The following PKD1L1 variants were observed in gnomAD, a reference collection of about 807,000 sequenced individuals.
PKD1L1 encodes polycystin-1-like protein 1.
A neutral mutation model predicts 323.4 loss-of-function variants in PKD1L1; 236 were observed. That is an observed-to-expected ratio of 0.73 (90% confidence interval 0.66 to 0.81). PKD1L1 has a LOEUF of 0.81. Ranked by LOEUF, PKD1L1 falls within the 40% of genes least tolerant of loss-of-function variation. The probability of loss-of-function intolerance (pLI) is 0.00; values close to 1 mark genes in which losing one functional copy is unlikely to be tolerated. For missense variants in PKD1L1, 3,320 were observed against 3,508.0 expected, an observed-to-expected ratio of 0.95 and a Z score of 1.35; for synonymous variants, 1,344 against 1,335.0, an observed-to-expected ratio of 1.01 and a Z score of -0.15.
At chr7:47,873,107 A>T (rs1786317974) in intron 24 of PKD1L1, among the ~76,000 whole-genome samples, 1 of 152,204 alleles carries the variant, frequency 6.6e-6, no homozygotes, top group Non-Finnish European at 1.5e-5. Flanking sequence ...AAATTTTCAG[A>T]ATCAGCAAAC....
At chr7:47,879,004 C>T (rs1786469997) in intron 21 of PKD1L1, among the ~76,000 whole-genome samples, 1 of 152,200 alleles carries the variant, frequency 6.6e-6, no homozygotes, top group Non-Finnish European at 1.5e-5. Context: ...GGGCAAATTT[C>T]AGAGGCAAAA....
chr7:47,947,616 G>T (rs1363999455), intron 1 of PKD1L1, among the ~76,000 whole-genome samples: 1 of 152,236 alleles, frequency 6.6e-6, no homozygotes, highest in Non-Finnish European at 1.5e-5. Flanking sequence ...AGGCTGCCCA[G>T]CCTCAACAAC....
intron 9 of PKD1L1, among the ~76,000 whole-genome samples, 187 bp from the exon 10 acceptor site, chr7:47,906,149 T>C (rs1787202641): frequency 6.6e-6 from 1 of 152,252 alleles, no homozygotes; most frequent in Non-Finnish European, 1.5e-5. Context: ...ACAGAATTTC[T>C]GTCATTAAAT....
intron 56 of PKD1L1, among the ~76,000 whole-genome samples, chr7:47,777,626 T>C (rs1170613013): frequency 1.3e-5 from 2 of 152,222 alleles, no homozygotes; most frequent in African/African-American, 4.8e-5. Flanking sequence ...AGTGTAAGTA[T>C]AGTTTCTAAG....
At position 47,922,840 on chromosome 7, in the gene PKD1L1, G is replaced by A. The variant is rs6963179; in HGVS notation, c.1060+6364C>T. Among the ~76,000 whole-genome samples, 6 of 152,270 alleles carry A rather than the reference G, an allele frequency of 3.9e-5. No homozygotes were observed. The South Asian group carries it at 6.2e-4, about 16-fold the overall frequency. ...CCGCCACCCTGTCTGGGAGGTGTAC[G>A]CAACAGCTCATTGAGAACGGGCCAT... On this transcript the variant is annotated intron_variant, in intron 7 of 56. Transcript: ENST00000289672.
intron 24 of PKD1L1, 59 bp from the exon 25 acceptor site, chr7:47,866,673 T>G (rs1786177180): frequency 1.4e-6 from 2 of 1,430,326 alleles, no homozygotes; most frequent in Admixed American, 2.1e-5. Flanking sequence ...CTTTTCACCC[T>G]GACTACCAAG....
intron 54 of PKD1L1, among the ~76,000 whole-genome samples, chr7:47,797,012 A>AAC (rs1554393579): frequency 1.2e-3 from 177 of 151,600 alleles, no homozygotes; most frequent in East Asian, 8.4e-3. Flanking sequence ...AAAAAAAAAA[A>AAC]AAAACACCCA....
intron 20 of PKD1L1, 63 bp downstream of exon 20, chr7:47,881,846 G>T: frequency 6.9e-7 from 1 of 1,458,266 alleles, no homozygotes; most frequent in South Asian, 1.5e-5. Context: ...AAGAAATTGA[G>T]GGCTGATATC....
At chr7:47,801,695 C>T (rs1406885042) in intron 53 of PKD1L1, among the ~76,000 whole-genome samples, 1 of 152,198 alleles carries the variant, frequency 6.6e-6, no homozygotes, top group African/African-American at 2.4e-5. Flanking sequence ...TTTAGTATTA[C>T]TTACTCCATA....
intron 31 of PKD1L1, among the ~76,000 whole-genome samples, chr7:47,850,632 C>CAAAAAAAAAAAAAAAAAAAA (rs58437908): frequency 1.3e-5 from 1 of 75,814 alleles, no homozygotes; most frequent in Non-Finnish European, 2.4e-5. Context: ...GACTCTGTCT[C>CAAAAAAAAAAAAAAAAAAAA]AAAAAAAAAA....
At chr7:47,852,941 C>A (rs140096280) in intron 31 of PKD1L1, among the ~76,000 whole-genome samples, 186 bp downstream of exon 31, 1 of 152,044 alleles carries the variant, frequency 6.6e-6, no homozygotes, top group South Asian at 2.1e-4. Flanking sequence ...ACAAGGATGG[C>A]GCTCATCATG....
intron 9 of PKD1L1, 52 bp downstream of exon 9, chr7:47,908,025 G>A: frequency 6.4e-7 from 1 of 1,560,766 alleles, no homozygotes; most frequent in Non-Finnish European, 8.7e-7. Context: ...GAGATACCCT[G>A]CTTCATTTAT....
intron 3 of PKD1L1, among the ~76,000 whole-genome samples, chr7:47,937,291 C>T: frequency 6.8e-6 from 1 of 147,120 alleles, no homozygotes; most frequent in East Asian, 2.0e-4. Flanking sequence ...TTTTTATACA[C>T]AGGGTCAGAG....
At chr7:47,801,439 C>T (rs1282060605) in intron 53 of PKD1L1, among the ~76,000 whole-genome samples, 1 of 152,234 alleles carries the variant, frequency 6.6e-6, no homozygotes, top group Non-Finnish European at 1.5e-5. Flanking sequence ...TCATGCTTCT[C>T]ACTCCATCTG....
rs768164147 is a variant in PKD1L1, at chr7:47,866,450, G to A, written c.4061C>T (p.Ser1354Phe). The A allele has an allele frequency of 6.2e-7, 1 of 1,611,154 alleles. No individual in the cohort carries two copies. The highest frequency in any genetic ancestry group is 8.5e-7 in the Non-Finnish European group (1 of 1,178,336). The change falls in exon 25 of 57, where the codon TCT (serine) becomes TTT (phenylalanine). Residue 1354 changes from serine (S) to phenylalanine (F), a missense_variant. By Grantham distance (155) the Ser-to-Phe change is radical. Transcript: ENST00000289672. ...QWSRIQDALI[S>F]SVCRLAFVDQ... ...TACAAAAGCCAATCTGCATACTGAA[G>A]AAATTAATGCATCCTGTATTCGTGA...
At chr7:47,906,826 A>G (rs1215963156) in intron 9 of PKD1L1, among the ~76,000 whole-genome samples, 1 of 152,212 alleles carries the variant, frequency 6.6e-6, no homozygotes, top group African/African-American at 2.4e-5. Flanking sequence ...TATATGATAA[A>G]TAAATATCAC....
the PKD1L1 span, among the ~76,000 whole-genome samples, chr7:47,960,178 C>G: frequency 7.2e-6 from 1 of 138,586 alleles, no homozygotes; most frequent in Non-Finnish European, 1.6e-5. Flanking sequence ...GCAGCATGCT[C>G]GTTAAGAGTC....
chr7:47,947,436 A>T (rs1788119170), intron 1 of PKD1L1, among the ~76,000 whole-genome samples: 1 of 152,212 alleles, frequency 6.6e-6, no homozygotes, highest in Non-Finnish European at 1.5e-5. Context: ...ACTGGGCAAG[A>T]TCTGCAGGCA....
the PKD1L1 span, among the ~76,000 whole-genome samples, chr7:47,958,333 T>C: frequency 1.3e-5 from 2 of 152,170 alleles, no homozygotes; most frequent in African/African-American, 2.4e-5. Context: ...CACACATTTA[T>C]TGAAAAGAAA....
Sources: gnomAD v4.1 joint callset for allele counts (sites outside exome capture counted in the v4.1 genomes callset) on GRCh38, gnomAD v4.1.1 for gene constraint, MANE v1.5 for transcripts, NCBI Gene and HGNC (gene_info 2026-07-23, HGNC 2026-07-21) for gene names.